The following PRDM16 variants were observed in gnomAD, a reference collection of about 807,000 sequenced individuals.
The protein encoded by PRDM16 is PR/SET domain 16, also known as histone-lysine N-methyltransferase PRDM16.
PRDM16 carries 23 observed loss-of-function variants against 110.6 expected under a neutral mutation model. The observed-to-expected ratio is 0.21, with a 90% CI of 0.15 to 0.29. PRDM16 has a LOEUF of 0.29. Among genes scored for constraint, PRDM16 ranks in the 10% least tolerant of loss-of-function variants. The probability of loss-of-function intolerance (pLI) is 1.00; values close to 1 mark genes in which losing one functional copy is unlikely to be tolerated. For missense variants in PRDM16, 1,615 were observed against 1,794.3 expected, an observed-to-expected ratio of 0.90 and a Z score of 1.81; for synonymous variants, 799 against 781.8, an observed-to-expected ratio of 1.02 and a Z score of -0.37.
chr1:3,290,681 C>T lies in PRDM16; in HGVS notation c.438+46544C>T, dbSNP rs1640953175. Among the ~76,000 whole-genome samples the T allele has an allele frequency of 6.6e-6, 1 of 152,132 alleles. No individual in the cohort carries two copies. Among genetic ancestry groups the T allele is most frequent in the Non-Finnish European group, 1.5e-5 (1 of 68,044 alleles). On this transcript the variant is annotated intron_variant, in intron 3 of 16. Transcript: ENST00000270722. This position sits in a 1 kb window ranked among gnomAD's most constrained non-coding sequence, Gnocchi z 4.8. ...GCTGAAGGAGCACTGTCCCCACAACCCAGGGAAACAACAGGGCTCCAGGGG... is the reference window on the plus strand; with the variant it reads ...GCTGAAGGAGCACTGTCCCCACAACTCAGGGAAACAACAGGGCTCCAGGGG...
intron 1 of PRDM16, among the ~76,000 whole-genome samples, chr1:3,173,803 C>T (rs1278995453): frequency 2.6e-5 from 4 of 152,224 alleles, no homozygotes; most frequent in African/African-American, 9.6e-5. Flanking sequence ...CTCAGCAATG[C>T]GGTTCCTCTG....
At chr1:3,156,679 T>C (rs1032564105) in intron 1 of PRDM16, among the ~76,000 whole-genome samples, 2 of 152,260 alleles carry the variant, frequency 1.3e-5, no homozygotes, top group East Asian at 1.9e-4. Flanking sequence ...CCAGAGAAGG[T>C]TGGACCCGTT....
intron 3 of PRDM16, among the ~76,000 whole-genome samples, chr1:3,323,518 C>T (rs909183392): frequency 6.6e-6 from 1 of 152,184 alleles, no homozygotes; most frequent in Non-Finnish European, 1.5e-5. Flanking sequence ...CCAGGGAGGC[C>T]GGGGAGACAG....
rs1335589690 is a variant in PRDM16, at chr1:3,404,031, C to T, written c.885-708C>T. 3.9e-5 allele frequency among the ~76,000 whole-genome samples: 6 copies of T among 152,178 alleles called. No homozygotes were observed. The East Asian group carries it at 7.7e-4, about 20-fold the overall frequency. ...TAAACACATAAATCACAATTAACAA[C>T]GGGGGAAAAGATACAGTCTCCTGAT... On this transcript the variant is annotated intron_variant, in intron 6 of 16. Transcript: ENST00000270722.
At chr1:3,134,251 G>A (rs913432543) in intron 1 of PRDM16, among the ~76,000 whole-genome samples, 6 of 152,140 alleles carry the variant, frequency 3.9e-5, no homozygotes, top group Non-Finnish European at 5.9e-5. Flanking sequence ...GGAGCTGTCC[G>A]GAGCGCCATT....
chr1:3,403,274 C>T (rs1643505359), intron 6 of PRDM16, among the ~76,000 whole-genome samples: 1 of 152,218 alleles, frequency 6.6e-6, no homozygotes, highest in Non-Finnish European at 1.5e-5. Context: ...CAGAAAGCCA[C>T]CTCCTAGGCT....
At chr1:3,272,485 G>A (rs77207656) in intron 3 of PRDM16, among the ~76,000 whole-genome samples, 3,944 of 152,252 alleles carry the variant, frequency 0.026, 159 homozygotes, top group African/African-American at 0.086. Flanking sequence ...CTGCTGTGAG[G>A]CTCCTTCCGG....
intron 2 of PRDM16, among the ~76,000 whole-genome samples, chr1:3,215,693 G>A (rs887247573): frequency 3.3e-4 from 51 of 152,294 alleles, no homozygotes; most frequent in African/African-American, 1.2e-3. Context: ...CCCACTGGGC[G>A]TGGAGGGACG....
At chr1:3,223,117 T>A in intron 2 of PRDM16, among the ~76,000 whole-genome samples, 1 of 144,826 alleles carries the variant, frequency 6.9e-6, no homozygotes, top group East Asian at 2.0e-4. Context: ...TTTTTTTTTT[T>A]TTTTTTTTTT....
At chr1:3,312,442 C>G (rs1641484237) in intron 3 of PRDM16, among the ~76,000 whole-genome samples, 1 of 152,342 alleles carries the variant, frequency 6.6e-6, no homozygotes, top group South Asian at 2.1e-4. Context: ...CGAGGTCTGT[C>G]CTGGAGGCTG....
chr1:3,228,291 T>A (rs977894642), intron 2 of PRDM16, among the ~76,000 whole-genome samples: 7 of 152,176 alleles, frequency 4.6e-5, no homozygotes, highest in African/African-American at 1.7e-4. Context: ...TGGAACAGGA[T>A]CCCACCGTTT....
intron 2 of PRDM16, among the ~76,000 whole-genome samples, chr1:3,237,676 A>T (rs1305881337): frequency 1.3e-5 from 2 of 152,200 alleles, no homozygotes; most frequent in African/African-American, 4.8e-5. Flanking sequence ...ACAGGAAGGG[A>T]GATGCGCGCG....
At chr1:3,250,550 C>T (rs1182715089) in intron 3 of PRDM16, among the ~76,000 whole-genome samples, 1 of 151,878 alleles carries the variant, frequency 6.6e-6, no homozygotes, top group Non-Finnish European at 1.5e-5. Context: ...TCAGCTGAAA[C>T]CGTCAGATTC....
At chr1:3,193,130 C>G (rs115071261) in intron 2 of PRDM16, among the ~76,000 whole-genome samples, 1 of 151,992 alleles carries the variant, frequency 6.6e-6, no homozygotes, top group Non-Finnish European at 1.5e-5. Flanking sequence ...AGCGGCCAGA[C>G]GACGAGTACC....
At chr1:3,227,643 C>T (rs768761795) in intron 2 of PRDM16, among the ~76,000 whole-genome samples, 2 of 152,254 alleles carry the variant, frequency 1.3e-5, no homozygotes, top group Non-Finnish European at 2.9e-5. Flanking sequence ...AGATGTAGGG[C>T]CCGGCTCCGG....
At position 3,126,361 on chromosome 1, in the gene PRDM16, G is replaced by A. The variant is rs1419612003; in HGVS notation, c.37+57065G>A. Reference sequence around the variant, plus strand: ...CTCCCCAGGTCTCTCCCATGCCCCCGGGGGCTCAGTCCACTGCTCAGGTGG... The same window carrying A: ...CTCCCCAGGTCTCTCCCATGCCCCCAGGGGCTCAGTCCACTGCTCAGGTGG... On this transcript the variant is annotated intron_variant, in intron 1 of 16. Transcript: ENST00000270722. Among the ~76,000 whole-genome samples, 5 of 152,148 alleles carry A rather than the reference G, an allele frequency of 3.3e-5. No individual in the cohort carries two copies. In the East Asian group the frequency reaches 5.8e-4, roughly 18 times the overall value.
rs1640261743 is a variant in PRDM16 at position 3,265,304 on chromosome 1, A to G, written c.438+21167A>G. Among the ~76,000 whole-genome samples the G allele has an allele frequency of 6.6e-6, 1 of 151,982 alleles. No homozygotes were observed. Among genetic ancestry groups the G allele is most frequent in the African/African-American group, 2.4e-5 (1 of 41,344 alleles). On this transcript the variant is annotated intron_variant, in intron 3 of 16. Coordinates refer to ENST00000270722, the MANE Select transcript of PRDM16 (RefSeq NM_022114.4). The surrounding 1 kb of genome is among the most constrained non-coding windows in gnomAD (Gnocchi z 4.5). ...GTGCAGGGGGAGCGGACAGGAATGC[A>G]GGTGTGGGTGGGAAGGGGCTGAAAA...
intron 2 of PRDM16, among the ~76,000 whole-genome samples, chr1:3,210,915 G>A (rs1638869481): frequency 6.6e-6 from 1 of 151,968 alleles, no homozygotes; most frequent in African/African-American, 2.4e-5. Flanking sequence ...ATATGTATTT[G>A]TTCATCCATT....
chr1:3,311,698 C>A (rs1230638463), intron 3 of PRDM16, among the ~76,000 whole-genome samples: 1 of 152,220 alleles, frequency 6.6e-6, no homozygotes, highest in African/African-American at 2.4e-5. Flanking sequence ...CTGCCCGACC[C>A]CGAAGGCACC....
Sources: allele counts gnomAD v4.1 joint callset (sites outside exome capture counted in the v4.1 genomes callset), GRCh38; gene constraint gnomAD v4.1.1; non-coding constraint Gnocchi (gnomAD v3.1); transcripts MANE v1.5; gene names NCBI Gene and HGNC (gene_info 2026-07-23, HGNC 2026-07-21).